Variants in C4orf36 observed in about 807,000 individuals in gnomAD.
C4orf36 encodes chromosome 4 open reading frame 36, also known as uncharacterized protein C4orf36.
Under a neutral mutation model 12.2 loss-of-function variants are expected in C4orf36, and 11 were observed. The observed-to-expected ratio is 0.90, with a 90% confidence interval of 0.57 to 1.49. The LOEUF is 1.49. Ranked by LOEUF, C4orf36 falls within the 40% of genes most tolerant of loss-of-function variation. C4orf36 has a pLI of 0.00. For synonymous variants in C4orf36, 54 were observed against 51.3 expected (o/e 1.05, Z -0.22); for missense variants, 137 against 133.9 (o/e 1.02, Z -0.11).
chr4:86,907,041 A>AAAATAAAT, the C4orf36 span, among the ~76,000 whole-genome samples: 33 of 150,124 alleles, frequency 2.2e-4, no homozygotes, highest in Non-Finnish European at 4.7e-4. Flanking sequence ...CTCCATCTCA[A>AAAATAAAT]AAATAAATAA....
At chr4:86,903,659 A>C in the C4orf36 span, among the ~76,000 whole-genome samples, 1 of 152,182 alleles carries the variant, frequency 6.6e-6, no homozygotes, top group East Asian at 1.9e-4. Flanking sequence ...CATCGAAGAC[A>C]ACCCAAGCAA....
chr4:86,891,231 C>G (rs992547576), intron 2 of C4orf36, among the ~76,000 whole-genome samples: 3 of 147,578 alleles, frequency 2.0e-5, no homozygotes, highest in African/African-American at 5.0e-5. Flanking sequence ...CCTCAGTTTT[C>G]TCACTTGAAA....
the C4orf36 span, chr4:86,936,086 C>G: frequency 6.6e-6 from 1 of 152,220 alleles, no homozygotes; most frequent in Admixed American, 6.5e-5. Context: ...TCTCCACCAC[C>G]AGCACCCGCA....
chr4:86,891,418 A>C, intron 2 of C4orf36, 38 bp downstream of exon 2: 1 of 1,556,898 alleles, frequency 6.4e-7, no homozygotes, highest in Non-Finnish European at 8.7e-7. Flanking sequence ...ACCGCAGTCA[A>C]TGCTTACCCT....
chr4:86,908,452 C>CTTT, the C4orf36 span, among the ~76,000 whole-genome samples: 2 of 141,800 alleles, frequency 1.4e-5, no homozygotes, highest in Admixed American at 7.1e-5. Flanking sequence ...TCAACAGTGT[C>CTTT]TTTTTTTTTT....
At chr4:86,879,919 T>C (rs28886889) in intron 4 of C4orf36, among the ~76,000 whole-genome samples, 9,453 of 151,372 alleles carry the variant, frequency 0.062, 431 homozygotes, top group Non-Finnish European at 0.087. Flanking sequence ...GGCATCATCA[T>C]AGCTCACTGC....
At chr4:86,894,172 T>C (rs1434175326), upstream of C4orf36, among the ~76,000 whole-genome samples, 5 of 152,078 alleles carry the variant, frequency 3.3e-5, no homozygotes, top group Non-Finnish European at 4.4e-5. Context: ...GCTGGGATTA[T>C]AGGCGTGAGC....
intron 4 of C4orf36, among the ~76,000 whole-genome samples, chr4:86,881,831 C>T (rs914589882): frequency 2.6e-5 from 4 of 152,180 alleles, no homozygotes; most frequent in African/African-American, 9.7e-5. Context: ...CGCATGCCAC[C>T]ATGCCTGGCT....
rs1023997156 is a variant in C4orf36, at chr4:86,892,178, C to T, written c.-74+5G>A. 2.0e-6 allele frequency: 2 copies of T among 985,470 alleles called. No individual in the cohort carries two copies. Among genetic ancestry groups the T allele is most frequent in the African/African-American group, 3.5e-5 (2 of 57,250 alleles). The allele number at this position is 985,470 out of a possible 1,614,324, so 61.0% of individuals were successfully genotyped here. A position where few individuals can be genotyped will look rare whatever the true frequency, so the allele number is the denominator to read the frequency against. Reference sequence around the variant, plus strand: ...AACGGCCTCAGCCTCGGCTCCTTCCCACACCTGGGCCCCACCCTGCCTCCG... The same window carrying T: ...AACGGCCTCAGCCTCGGCTCCTTCCTACACCTGGGCCCCACCCTGCCTCCG... On this transcript the variant is annotated splice_donor_5th_base_variant and intron_variant, in intron 1 of 4. Coordinates refer to ENST00000295898, the MANE Select transcript of C4orf36 (RefSeq NM_144645.4).
At chr4:86,902,801 AGTTT>A in the C4orf36 span, among the ~76,000 whole-genome samples, 1 of 152,064 alleles carries the variant, frequency 6.6e-6, no homozygotes, top group African/African-American at 2.4e-5. Context: ...AACATCCTAT[AGTTT>A]ATTATGTTTA....
At chr4:86,911,411 C>A in the C4orf36 span, among the ~76,000 whole-genome samples, 1 of 152,184 alleles carries the variant, frequency 6.6e-6, no homozygotes, top group African/African-American at 2.4e-5. Context: ...GATCTGCTAC[C>A]TCAAATTGTA....
the C4orf36 span, among the ~76,000 whole-genome samples, chr4:86,904,634 C>G: frequency 6.7e-6 from 1 of 148,978 alleles, no homozygotes; most frequent in African/African-American, 2.5e-5. Context: ...TGGTGTACAC[C>G]TGTAGTCCCG....
chr4:86,904,256 G>T, the C4orf36 span, among the ~76,000 whole-genome samples: 2 of 152,202 alleles, frequency 1.3e-5, no homozygotes, highest in African/African-American at 4.8e-5. Flanking sequence ...GCTAGCGAGC[G>T]CCTTGCGCAG....
the C4orf36 span, chr4:86,913,446 C>T: frequency 1.3e-6 from 1 of 755,868 alleles, no homozygotes; most frequent in Non-Finnish European, 2.4e-6. Flanking sequence ...CCCTCTTGTC[C>T]ATGTTGCAAA....
At chr4:86,879,762 CAA>C (rs774033442) in intron 4 of C4orf36, among the ~76,000 whole-genome samples, 19 of 151,774 alleles carry the variant, frequency 1.3e-4, no homozygotes, top group Non-Finnish European at 1.8e-4. Context: ...ATGTCAAAGA[CAA>C]AGAGAGAATC....
At chr4:86,892,155 C>G (rs1422925085) in intron 1 of C4orf36, 28 bp downstream of exon 1, 18 of 985,506 alleles carry the variant, frequency 1.8e-5, no homozygotes, top group Non-Finnish European at 2.0e-5. Context: ...GAGAAGGGAA[C>G]GGCCTCAGCC....
chr4:86,909,404 C>G, the C4orf36 span, among the ~76,000 whole-genome samples: 10 of 152,162 alleles, frequency 6.6e-5, no homozygotes, highest in Admixed American at 2.0e-4. Flanking sequence ...AATTTTCCTA[C>G]ATAACAAACA....
the C4orf36 span, among the ~76,000 whole-genome samples, chr4:86,904,416 A>G: frequency 6.6e-6 from 1 of 152,102 alleles, no homozygotes; most frequent in African/African-American, 2.4e-5. Flanking sequence ...GCCAAGGCCG[A>G]GGAGGCGCGG....
chr4:86,927,567 G>A, the C4orf36 span, among the ~76,000 whole-genome samples: 2 of 152,132 alleles, frequency 1.3e-5, no homozygotes, highest in African/African-American at 4.8e-5. Flanking sequence ...GGCCGAGGCG[G>A]GTGGATCATG....
Sources: allele counts gnomAD v4.1 joint callset (sites outside exome capture counted in the v4.1 genomes callset), GRCh38; gene constraint gnomAD v4.1.1; transcripts MANE v1.5; gene names NCBI Gene and HGNC (gene_info 2026-07-23, HGNC 2026-07-21).